WDR43: variants seen among roughly 807,000 people sequenced by gnomAD.
The protein encoded by WDR43 is WD repeat domain 43, also known as WD repeat-containing protein 43.
A neutral mutation model predicts 91.4 loss-of-function variants in WDR43; 13 were observed. The observed-to-expected ratio is 0.14, with a 90% CI of 0.09 to 0.23. The LOEUF is 0.23. Ranked by LOEUF, WDR43 falls within the 10% of genes least tolerant of loss-of-function variation. The pLI is 1.00. For synonymous variants in WDR43, 331 were observed against 287.9 expected, an observed-to-expected ratio of 1.15 and a Z score of -1.51; for missense variants, 780 against 809.4, an observed-to-expected ratio of 0.96 and a Z score of 0.44.
chr2:28,946,446 A>C lies in WDR43; in HGVS notation c.1805-4A>C. On this transcript the variant is annotated splice_region_variant and splice_polypyrimidine_tract_variant and intron_variant, in intron 16 of 17. Coordinates refer to ENST00000407426, the MANE Select transcript of WDR43 (RefSeq NM_015131.3). The stretch of plus-strand genomic sequence containing the variant: ...TTAAGGCTGGGTTCTTTCTCCCCTT[A>C]CAGAGTCTTCTGAAGAGGAGTCTGA... 6.2e-7 allele frequency: 1 copy of C among 1,608,448 alleles called. No homozygotes were observed. Among genetic ancestry groups the C allele is most frequent in the Non-Finnish European group, 8.5e-7 (1 of 1,176,918 alleles).
chr2:28,919,763 A>C (rs1373488751), intron 6 of WDR43, among the ~76,000 whole-genome samples: 3 of 152,212 alleles, frequency 2.0e-5, no homozygotes, highest in African/African-American at 4.8e-5. Context: ...CAGTGCCCTC[A>C]CTATTCTGAT....
chr2:28,940,514 G>A (rs1402508748), intron 14 of WDR43, among the ~76,000 whole-genome samples: 2 of 152,214 alleles, frequency 1.3e-5, no homozygotes, highest in Non-Finnish European at 2.9e-5. Flanking sequence ...ACAGGCATGA[G>A]CCACCGCGCC....
At chr2:28,937,854 G>C (rs1285096532) in intron 13 of WDR43, 77 bp from the exon 14 acceptor site, 1 of 1,390,450 alleles carries the variant, frequency 7.2e-7, no homozygotes, top group African/African-American at 1.4e-5. Flanking sequence ...TCACTTGTCT[G>C]TCTGGGTTTT....
chr2:28,903,743 C>G (rs973557152), intron 2 of WDR43, among the ~76,000 whole-genome samples: 4 of 152,162 alleles, frequency 2.6e-5, no homozygotes, highest in African/African-American at 7.2e-5. Flanking sequence ...TTGTGTTCAG[C>G]AGGTACCTAG....
intron 11 of WDR43, chr2:28,930,248 T>C: frequency 2.7e-6 from 1 of 368,316 alleles, no homozygotes; most frequent in Admixed American, 3.6e-5. Flanking sequence ...GAGGCATTTA[T>C]GATTTCTGTG....
chr2:28,937,433 C>T lies in WDR43; in HGVS notation c.1556+480C>T, dbSNP rs930611188. On this transcript the variant is annotated intron_variant, in intron 13 of 17. Transcript: ENST00000407426. ...GTTTTTCTTTAAAAATTTTTTTTCT[C>T]GTGGGGTGCATTAGCCTTCTGAGCT... Among the ~76,000 whole-genome samples the T allele has an allele frequency of 2.7e-5, 4 of 148,030 alleles. No individual in the cohort carries two copies. In the East Asian group the frequency reaches 5.8e-4, roughly 22 times the overall value.
At chr2:28,929,997 A>C in intron 11 of WDR43, 1 of 531,316 alleles carries the variant, frequency 1.9e-6, no homozygotes. Flanking sequence ...CTTTATAAAC[A>C]TAGTGTAGCT....
At chr2:28,942,500 A>G in intron 16 of WDR43, 119 bp downstream of exon 16, 1 of 1,111,246 alleles carries the variant, frequency 9.0e-7, no homozygotes, top group Non-Finnish European at 1.3e-6. Flanking sequence ...GCCTTCTCTA[A>G]TTAAAATAGG....
intron 11 of WDR43, among the ~76,000 whole-genome samples, chr2:28,934,209 C>T (rs1036967390): frequency 1.3e-5 from 2 of 152,156 alleles, no homozygotes; most frequent in African/African-American, 2.4e-5. Context: ...ATATAAATTC[C>T]TATTTATATA....
chr2:28,927,003 A>G (rs1385713693), intron 9 of WDR43: 7 of 507,060 alleles, frequency 1.4e-5, no homozygotes, highest in Middle Eastern at 3.2e-4. Context: ...CATTTTGCAT[A>G]TAACTTGGTG....
At chr2:28,906,434 A>ATT (rs36066576) in intron 2 of WDR43, 26 bp from the exon 3 acceptor site, 341 of 1,399,808 alleles carry the variant, frequency 2.4e-4, no homozygotes, top group Middle Eastern at 7.6e-4. Flanking sequence ...CCAGCCTTAA[A>ATT]TTTTTTTTTT....
At chr2:28,924,961 C>T (rs1671100061) in intron 7 of WDR43, 21 bp from the exon 8 acceptor site, 1 of 1,599,746 alleles carries the variant, frequency 6.3e-7, no homozygotes, top group East Asian at 2.2e-5. Context: ...TCTTTAATCT[C>T]ATTTCCCCCT....
chr2:28,932,089 A>G (rs1475003979), intron 11 of WDR43, among the ~76,000 whole-genome samples: 2 of 151,984 alleles, frequency 1.3e-5, no homozygotes, highest in African/African-American at 4.8e-5. Context: ...TGTTGCTCAC[A>G]TTGGTTTCAA....
At chr2:28,906,672 C>A in intron 3 of WDR43, 91 bp downstream of exon 3, 2 of 1,385,892 alleles carry the variant, frequency 1.4e-6, no homozygotes, top group South Asian at 1.7e-5. Flanking sequence ...GTTATAGGTT[C>A]CATTTACAAA....
intron 7 of WDR43, 80 bp from the exon 8 acceptor site, chr2:28,924,902 G>A (rs577136793): frequency 3.9e-5 from 59 of 1,520,050 alleles, no homozygotes; most frequent in Non-Finnish European, 4.3e-5. Context: ...GTCACATTTC[G>A]TGACTTGATG....
intron 11 of WDR43, among the ~76,000 whole-genome samples, chr2:28,930,402 A>G (rs1182985855): frequency 6.6e-6 from 1 of 152,212 alleles, no homozygotes; most frequent in Non-Finnish European, 1.5e-5. Flanking sequence ...TACATTTGCT[A>G]ATGCATTTAT....
intron 14 of WDR43, among the ~76,000 whole-genome samples, chr2:28,939,638 T>C (rs938411913): frequency 3.9e-5 from 6 of 152,230 alleles, no homozygotes; most frequent in Non-Finnish European, 8.8e-5. Context: ...CCCCATCTTC[T>C]TGGAGCTCAT....
intron 1 of WDR43, among the ~76,000 whole-genome samples, chr2:28,900,180 C>T (rs535650086): frequency 1.4e-4 from 22 of 152,110 alleles, no homozygotes; most frequent in South Asian, 8.3e-4. Context: ...AGAAAGATTT[C>T]ATGGAATCTT....
At chr2:28,916,288 T>C (rs1282987133) in intron 5 of WDR43, among the ~76,000 whole-genome samples, 1 of 152,236 alleles carries the variant, frequency 6.6e-6, no homozygotes, top group Non-Finnish European at 1.5e-5. Context: ...GTGTAATGGC[T>C]GGATCATGAT....
Sources: gnomAD v4.1 joint callset for allele counts (sites outside exome capture counted in the v4.1 genomes callset) on GRCh38, gnomAD v4.1.1 for gene constraint, MANE v1.5 for transcripts, NCBI Gene and HGNC (gene_info 2026-07-23, HGNC 2026-07-21) for gene names.